Variants in RAB6B observed in about 807,000 individuals in gnomAD.
RAB6B encodes RAB6B, member RAS oncogene family, also known as ras-related protein Rab-6B.
Under a neutral mutation model 31.2 loss-of-function variants are expected in RAB6B, and 7 were observed. That is an observed-to-expected ratio of 0.22 (90% CI 0.13 to 0.42). RAB6B has a LOEUF of 0.42. Ranked by LOEUF, RAB6B falls within the 10% of genes least tolerant of loss-of-function variation. The pLI, the probability that RAB6B is intolerant of heterozygous loss-of-function variation, is 1.00. For missense variants in RAB6B, 149 were observed against 280.6 expected (o/e 0.53, Z 3.35); for synonymous variants, 105 against 104.9 (o/e 1.00, Z -0.01).
chr3:133,841,802 C>T (rs1367375967), intron 2 of RAB6B, 139 bp from the exon 3 acceptor site: 3 of 719,256 alleles, frequency 4.2e-6, no homozygotes, highest in South Asian at 1.8e-5. Flanking sequence ...TCTGTCCTCC[C>T]TGCCCCTCCC....
At chr3:133,858,424 C>T (rs988344349) in intron 2 of RAB6B, among the ~76,000 whole-genome samples, 8 of 152,148 alleles carry the variant, frequency 5.3e-5, no homozygotes, top group Admixed American at 3.3e-4. Flanking sequence ...TGGATGGCTT[C>T]AACTACAGTC....
At chr3:133,850,250 G>A (rs1428300255) in intron 2 of RAB6B, among the ~76,000 whole-genome samples, 1 of 152,034 alleles carries the variant, frequency 6.6e-6, no homozygotes, top group African/African-American at 2.4e-5. Context: ...AAAACCAAGA[G>A]TACTCTTCAC....
intron 2 of RAB6B, among the ~76,000 whole-genome samples, chr3:133,842,416 C>T (rs982174327): frequency 1.3e-5 from 2 of 152,256 alleles, no homozygotes; most frequent in Non-Finnish European, 1.5e-5. Context: ...CACCCGGTAC[C>T]TGTCAGTAGG....
intron 1 of RAB6B, among the ~76,000 whole-genome samples, chr3:133,866,870 C>G (rs1002650846): frequency 6.6e-6 from 1 of 152,252 alleles, no homozygotes; most frequent in African/African-American, 2.4e-5. Context: ...CCAGGGCACG[C>G]TGGTCACTTC....
intron 1 of RAB6B, among the ~76,000 whole-genome samples, chr3:133,894,127 G>A (rs1431218407): frequency 1.3e-5 from 2 of 152,206 alleles, no homozygotes; most frequent in African/African-American, 4.8e-5. Context: ...GGCCCACCCA[G>A]TCCTCCCACA....
intron 1 of RAB6B, among the ~76,000 whole-genome samples, chr3:133,865,446 G>A (rs552178415): frequency 5.3e-5 from 8 of 152,246 alleles, no homozygotes; most frequent in South Asian, 2.1e-4. Flanking sequence ...CTCCCCTGGG[G>A]CCTGGCAGTG....
intron 2 of RAB6B, among the ~76,000 whole-genome samples, chr3:133,860,627 G>A (rs537710183): frequency 6.6e-6 from 1 of 152,342 alleles, no homozygotes; most frequent in South Asian, 2.1e-4. Context: ...AGCATCTCAG[G>A]CAACCCCTTG....
chr3:133,886,779 GCTGTTA>G (rs1279581080), intron 1 of RAB6B, among the ~76,000 whole-genome samples: 9 of 152,232 alleles, frequency 5.9e-5, no homozygotes, highest in African/African-American at 2.2e-4. Flanking sequence ...GATGGAGATT[GCTGTTA>G]CTATTTCATT....
chr3:133,869,856 G>A (rs770922866), intron 1 of RAB6B, among the ~76,000 whole-genome samples: 2 of 152,134 alleles, frequency 1.3e-5, no homozygotes, highest in Admixed American at 6.5e-5. Context: ...GACTCCAGCC[G>A]GCAGACTTCA....
At chr3:133,867,260 G>A (rs953525790) in intron 1 of RAB6B, among the ~76,000 whole-genome samples, 9 of 152,150 alleles carry the variant, frequency 5.9e-5, no homozygotes, top group East Asian at 1.9e-4. Context: ...ATGCATTCCC[G>A]CAGTCACCAT....
chr3:133,845,829 GA>G (rs1935901916), intron 2 of RAB6B, among the ~76,000 whole-genome samples: 1 of 151,524 alleles, frequency 6.6e-6, no homozygotes, highest in South Asian at 2.1e-4. Flanking sequence ...TCCAAATGTT[GA>G]ATTAGTAGAC....
intron 2 of RAB6B, among the ~76,000 whole-genome samples, chr3:133,841,952 A>G (rs1262638796): frequency 1.3e-5 from 2 of 152,182 alleles, no homozygotes; most frequent in Non-Finnish European, 2.9e-5. Flanking sequence ...CCTCCCCAGG[A>G]GCAAGGCCAC....
intron 2 of RAB6B, among the ~76,000 whole-genome samples, chr3:133,844,247 C>T (rs1049974897): frequency 5.9e-5 from 9 of 152,232 alleles, no homozygotes; most frequent in African/African-American, 2.2e-4. Flanking sequence ...TCTCTCACAT[C>T]CCATAACAGA....
intron 1 of RAB6B, among the ~76,000 whole-genome samples, chr3:133,870,581 G>A (rs1426416770): frequency 6.6e-6 from 1 of 152,096 alleles, no homozygotes; most frequent in Non-Finnish European, 1.5e-5. Flanking sequence ...TGTGACCTGG[G>A]TTCATGACCA....
At chr3:133,866,316 C>G (rs1347801265) in intron 1 of RAB6B, among the ~76,000 whole-genome samples, 1 of 152,138 alleles carries the variant, frequency 6.6e-6, no homozygotes, top group African/African-American at 2.4e-5. Context: ...AGGGTCAGAG[C>G]TGAGTGGGGC....
At chr3:133,845,304 A>G (rs1935893991) in intron 2 of RAB6B, among the ~76,000 whole-genome samples, 1 of 152,190 alleles carries the variant, frequency 6.6e-6, no homozygotes. Context: ...GAGGACTCTG[A>G]CCTCTTGAAT....
At chr3:133,837,092 C>A (rs1401585684) in intron 6 of RAB6B, among the ~76,000 whole-genome samples, 2 of 152,028 alleles carry the variant, frequency 1.3e-5, no homozygotes, top group Non-Finnish European at 2.9e-5. Flanking sequence ...ACCTCGGGCA[C>A]CCTGCAGCCA....
chr3:133,828,635 T>TC lies in RAB6B; in HGVS notation c.*152dup. 3 of 725,726 alleles carry TC rather than the reference T, an allele frequency of 4.1e-6. No individual in the cohort carries two copies. Among genetic ancestry groups the TC allele is most frequent in the Non-Finnish European group, 4.9e-6 (2 of 407,234 alleles). The allele number at this position is 725,726 out of a possible 1,614,324, so 45.0% of individuals were successfully genotyped here. ...GTGATGTGATCCCTGATGCCCAGCC[T>TC]CCCTCCCCATCCCACCCTACTCCTA... On this transcript the variant is annotated 3_prime_UTR_variant, in exon 8 of 8. Coordinates refer to ENST00000285208, the MANE Select transcript of RAB6B (RefSeq NM_016577.4).
chr3:133,889,425 TA>T (rs1936603002), intron 1 of RAB6B, among the ~76,000 whole-genome samples: 4 of 67,424 alleles, frequency 5.9e-5, no homozygotes, highest in African/African-American at 2.2e-4. Context: ...TATATATATA[TA>T]TATATATATA....
Sources: gnomAD v4.1 joint callset for allele counts (sites outside exome capture counted in the v4.1 genomes callset) on GRCh38, gnomAD v4.1.1 for gene constraint, MANE v1.5 for transcripts, NCBI Gene and HGNC (gene_info 2026-07-23, HGNC 2026-07-21) for gene names.